Variants in TMEM266 observed in about 807,000 individuals in gnomAD.
TMEM266 encodes the protein Hv1 related protein 1.
In TMEM266, 33 loss-of-function variants were observed where a neutral mutation model predicts 50.5. The observed-to-expected ratio is 0.65, with a 90% CI of 0.50 to 0.87. TMEM266 has a LOEUF of 0.87. Ranked by LOEUF, TMEM266 falls within the 40% of genes least tolerant of loss-of-function variation. TMEM266 has a pLI of 0.00. For synonymous variants in TMEM266, 310 were observed against 292.3 expected (o/e 1.06, Z -0.62); for missense variants, 655 against 695.1 (o/e 0.94, Z 0.65).
intron 8 of TMEM266, among the ~76,000 whole-genome samples, chr15:76,180,728 C>T (rs1286501705): frequency 4.0e-5 from 6 of 148,186 alleles, no homozygotes; most frequent in Non-Finnish European, 4.4e-5. Context: ...ATTCTCCTGC[C>T]TCAGCTTCCC....
In TMEM266 at chr15:76,168,111, C is replaced by T. The variant is rs1319468479; in HGVS notation, c.457-1705C>T. 2.6e-5 allele frequency among the ~76,000 whole-genome samples: 4 copies of T among 152,220 alleles called. No individual in the cohort carries two copies. Among genetic ancestry groups the T allele is most frequent in the African/African-American group, 9.6e-5 (4 of 41,456 alleles). Reference sequence around the variant, plus strand: ...CTTGCCCAAGGCCACACAACCAGCCCATTATTGAGCTCTGATCTCAAGACA... The same window carrying T: ...CTTGCCCAAGGCCACACAACCAGCCTATTATTGAGCTCTGATCTCAAGACA... On this transcript the variant is annotated intron_variant, in intron 5 of 10. Coordinates refer to ENST00000388942, the MANE Select transcript of TMEM266 (RefSeq NM_152335.3). This position sits in a 1 kb window ranked among gnomAD's most constrained non-coding sequence, Gnocchi z 4.4.
intron 1 of TMEM266, among the ~76,000 whole-genome samples, chr15:76,123,754 T>G (rs1388007845): frequency 6.6e-6 from 1 of 151,936 alleles, no homozygotes; most frequent in East Asian, 1.9e-4. Flanking sequence ...TCGCCCAGGC[T>G]GGAGTGCAGT....
intron 8 of TMEM266, chr15:76,191,319 A>G (rs1189570356): frequency 6.6e-6 from 1 of 152,296 alleles, no homozygotes; most frequent in East Asian, 1.9e-4. Context: ...AAAGCCCTTA[A>G]GAGGAAGCAA....
intron 9 of TMEM266, among the ~76,000 whole-genome samples, chr15:76,201,628 G>A (rs1004963323): frequency 6.6e-6 from 1 of 152,164 alleles, no homozygotes; most frequent in Non-Finnish European, 1.5e-5. Context: ...TATGTACTGA[G>A]TACCTACTGT....
At chr15:76,166,477 C>T (rs1241151837) in intron 5 of TMEM266, among the ~76,000 whole-genome samples, 2 of 152,232 alleles carry the variant, frequency 1.3e-5, no homozygotes, top group Admixed American at 1.3e-4. Flanking sequence ...TGGGCCAGCA[C>T]AGAGGGAAGG....
intron 9 of TMEM266, among the ~76,000 whole-genome samples, chr15:76,197,761 G>A (rs1417591592): frequency 6.6e-6 from 1 of 152,132 alleles, no homozygotes; most frequent in Non-Finnish European, 1.5e-5. Flanking sequence ...AGGGCATGTG[G>A]TTGGCGCCCC....
At chr15:76,128,581 T>C (rs904282) in intron 1 of TMEM266, among the ~76,000 whole-genome samples, 34,214 of 152,168 alleles carry the variant, frequency 0.22, 5,531 homozygotes, top group African/African-American at 0.45. Flanking sequence ...TGCTAGACTA[T>C]GCCTGCTTCG....
intron 8 of TMEM266, among the ~76,000 whole-genome samples, chr15:76,182,264 G>A (rs2038424038): frequency 6.6e-6 from 1 of 152,060 alleles, no homozygotes; most frequent in South Asian, 2.1e-4. Context: ...GGAAATTGGA[G>A]GTAACAAGGC....
At chr15:76,184,437 C>T (rs1449863645) in intron 8 of TMEM266, among the ~76,000 whole-genome samples, 1 of 152,236 alleles carries the variant, frequency 6.6e-6, no homozygotes, top group Non-Finnish European at 1.5e-5. Flanking sequence ...CTCAGCTTTA[C>T]TCTGCTCCTA....
At chr15:76,102,933 G>A (rs1208608172) in intron 1 of TMEM266, among the ~76,000 whole-genome samples, 1 of 151,712 alleles carries the variant, frequency 6.6e-6, no homozygotes, top group Non-Finnish European at 1.5e-5. Flanking sequence ...GCAGGGGACA[G>A]AGGATAGAAC....
intron 1 of TMEM266, among the ~76,000 whole-genome samples, chr15:76,073,346 C>T (rs974904807): frequency 6.6e-6 from 1 of 151,984 alleles, no homozygotes; most frequent in Admixed American, 6.6e-5. Context: ...GATTCTTCTG[C>T]CTCAGCCTCC....
chr15:76,106,980 A>G (rs1307311143), intron 1 of TMEM266, among the ~76,000 whole-genome samples: 3 of 152,108 alleles, frequency 2.0e-5, no homozygotes, highest in Admixed American at 6.6e-5. Flanking sequence ...TTGATGGTGG[A>G]TGTTATCTTC....
chr15:76,075,212 T>C (rs986881409), intron 1 of TMEM266, among the ~76,000 whole-genome samples: 1 of 151,992 alleles, frequency 6.6e-6, no homozygotes, highest in African/African-American at 2.4e-5. Flanking sequence ...AGCCATGACA[T>C]TGAATGAGCT....
chr15:76,116,436 A>G (rs577360865), intron 1 of TMEM266, among the ~76,000 whole-genome samples: 48 of 152,144 alleles, frequency 3.2e-4, no homozygotes, highest in Non-Finnish European at 6.0e-4. Flanking sequence ...GGAAATGCTC[A>G]CATTCTTTAC....
intron 1 of TMEM266, among the ~76,000 whole-genome samples, chr15:76,123,302 G>A (rs1226459603): frequency 6.6e-6 from 1 of 152,196 alleles, no homozygotes; most frequent in Admixed American, 6.5e-5. Context: ...CTGTTGTACA[G>A]AAACCTTTCT....
intron 1 of TMEM266, among the ~76,000 whole-genome samples, chr15:76,067,604 G>A (rs1327870275): frequency 3.6e-5 from 5 of 138,814 alleles, no homozygotes; most frequent in African/African-American, 5.4e-5. Context: ...TTGCACTCCA[G>A]CCTGGGTGAC....
At chr15:76,095,988 C>T (rs1400165659) in intron 1 of TMEM266, among the ~76,000 whole-genome samples, 1 of 151,906 alleles carries the variant, frequency 6.6e-6, no homozygotes, top group East Asian at 1.9e-4. Context: ...TTTATTGCAT[C>T]TATTTGATTC....
rs2037648535 is a variant in TMEM266 at position 76,139,736 on chromosome 15, C to T, written c.227+1841C>T. ...CTATTTCGGAGAATTCATTTCCTGC[C>T]CCCGGCCTGAGCCTGTTAGGCCCTT... On this transcript the variant is annotated intron_variant, in intron 3 of 10. Coordinates refer to ENST00000388942, the MANE Select transcript of TMEM266 (RefSeq NM_152335.3). The surrounding 1 kb of genome is among the most constrained non-coding windows in gnomAD (Gnocchi z 4.1). Among the ~76,000 whole-genome samples, 2 of 152,182 alleles carry T rather than the reference C, an allele frequency of 1.3e-5. No individual in the cohort carries two copies. Among genetic ancestry groups the T allele is most frequent in the South Asian group, 4.1e-4 (2 of 4,832 alleles).
At chr15:76,126,504 A>G (rs1055256256) in intron 1 of TMEM266, among the ~76,000 whole-genome samples, 11 of 151,472 alleles carry the variant, frequency 7.3e-5, no homozygotes, top group Non-Finnish European at 1.5e-4. Context: ...ACAGAAAGAC[A>G]AATACTGCAC....
Sources: gnomAD v4.1 joint callset for allele counts (sites outside exome capture counted in the v4.1 genomes callset) on GRCh38, gnomAD v4.1.1 for gene constraint, Gnocchi (gnomAD v3.1) non-coding constraint, MANE v1.5 for transcripts, NCBI Gene and HGNC (gene_info 2026-07-23, HGNC 2026-07-21) for gene names.